The following UBAP2L variants were observed in gnomAD, a reference collection of about 807,000 sequenced individuals.
UBAP2L encodes the protein ubiquitin associated protein 2 like.
Under a neutral mutation model 130.6 loss-of-function variants are expected in UBAP2L, and 12 were observed. That is an observed-to-expected ratio of 0.09 (90% CI 0.06 to 0.15). UBAP2L has a LOEUF of 0.15. UBAP2L is among the 10% of genes least tolerant of loss of function. The pLI, the probability that UBAP2L is intolerant of heterozygous loss-of-function variation, is 1.00. For missense variants in UBAP2L, 965 were observed against 1,332.5 expected, an observed-to-expected ratio of 0.72 and a Z score of 4.29; for synonymous variants, 503 against 524.7, an observed-to-expected ratio of 0.96 and a Z score of 0.57.
chr1:154,235,361 T>A (rs1015107317), intron 6 of UBAP2L, 70 bp downstream of exon 6: 15 of 660,388 alleles, frequency 2.3e-5, no homozygotes, highest in Non-Finnish European at 4.1e-5. Flanking sequence ...CTGCTTTATT[T>A]TTTTTTTTTA....
intron 7 of UBAP2L, 127 bp downstream of exon 7, chr1:154,236,738 T>C: frequency 1.0e-6 from 1 of 985,292 alleles, no homozygotes; most frequent in Non-Finnish European, 1.6e-6. Context: ...GGCTCATTTC[T>C]TAGGGATAAA....
intron 20 of UBAP2L, 140 bp downstream of exon 20, chr1:154,257,574 GTA>G: frequency 1.2e-6 from 1 of 834,390 alleles, no homozygotes; most frequent in Non-Finnish European, 1.9e-6. Flanking sequence ...TGGAATCCAT[GTA>G]TATGAGTTTT....
At chr1:154,241,424 CA>C (rs1558158246) in intron 8 of UBAP2L, 88 bp from the exon 9 acceptor site, 29 of 1,407,242 alleles carry the variant, frequency 2.1e-5, no homozygotes, top group Admixed American at 7.5e-5. Context: ...TTTTGGCTGC[CA>C]AAAAAATTAA....
chr1:154,263,282 A>G lies in UBAP2L; in HGVS notation c.2902+1585A>G, dbSNP rs1682180630. On this transcript the variant is annotated intron_variant, in intron 24 of 26. Coordinates refer to ENST00000428931, the MANE Select transcript of UBAP2L (RefSeq NM_014847.4). ...ATGGCCTGCGTGGCTTGGGGAAATG[A>G]GTTGGTGGATACCTTCTGGGCTTTT... The G allele has an allele frequency of 6.2e-5, 93 of 1,489,838 alleles. 2 individuals are homozygous for G. In the South Asian group the frequency reaches 1.2e-3, roughly 20 times the overall value. 92.3% of individuals were successfully genotyped at this position (1,489,838 alleles called of 1,614,324 possible).
chr1:154,249,516 A>G (rs1676772309), intron 12 of UBAP2L, 79 bp downstream of exon 12: 2 of 1,574,078 alleles, frequency 1.3e-6, no homozygotes, highest in African/African-American at 1.3e-5. Context: ...GAGGGGGTGG[A>G]GAATGTGTCC....
At chr1:154,256,202 A>G (rs950841003) in intron 18 of UBAP2L, among the ~76,000 whole-genome samples, 11 of 152,200 alleles carry the variant, frequency 7.2e-5, no homozygotes, top group African/African-American at 2.4e-4. Context: ...ATTTGTAACA[A>G]CTATTAATAG....
chr1:154,239,475 G>A (rs938413858), intron 8 of UBAP2L, among the ~76,000 whole-genome samples: 14 of 151,906 alleles, frequency 9.2e-5, no homozygotes, highest in Admixed American at 5.2e-4. Flanking sequence ...TTACCTTTCT[G>A]TTCATTTAAT....
chr1:154,251,737 A>G (rs897157991), intron 14 of UBAP2L, 84 bp downstream of exon 14: 5 of 1,506,328 alleles, frequency 3.3e-6, no homozygotes, highest in Non-Finnish European at 4.5e-6. Flanking sequence ...AACTCTGGAG[A>G]GGCCAAGCCC....
chr1:154,270,091 G>A lies in UBAP2L; in HGVS notation c.3169-109G>A. 3 of 1,349,652 alleles carry A rather than the reference G, an allele frequency of 2.2e-6. 1 individual carries two copies. The highest frequency in any genetic ancestry group is 3.1e-5 in the South Asian group (2 of 65,264). 83.6% of individuals were successfully genotyped at this position (1,349,652 alleles called of 1,614,324 possible). A position where few individuals can be genotyped will look rare whatever the true frequency, so the allele number is the denominator to read the frequency against. ...TTTCTATGGTTCTAATAGTAGTGAG[G>A]GGAATGGGAGAGCAAGACAGTTTGC... On this transcript the variant is annotated intron_variant, in intron 26 of 26. Coordinates refer to ENST00000428931, the MANE Select transcript of UBAP2L (RefSeq NM_014847.4).
At chr1:154,264,216 G>A (rs1682517790) in intron 24 of UBAP2L, among the ~76,000 whole-genome samples, 1 of 152,172 alleles carries the variant, frequency 6.6e-6, no homozygotes, top group South Asian at 2.1e-4. Flanking sequence ...AGAAACCAAA[G>A]TATTCAGCTT....
At chr1:154,249,927 G>A (rs1209303291) in intron 12 of UBAP2L, among the ~76,000 whole-genome samples, 2 of 151,574 alleles carry the variant, frequency 1.3e-5, no homozygotes, top group Non-Finnish European at 2.9e-5. Flanking sequence ...CTGTTGATTG[G>A]GGTTTTAATT....
At chr1:154,225,256 G>T in intron 2 of UBAP2L, 43 bp downstream of exon 2, 1 of 1,592,170 alleles carries the variant, frequency 6.3e-7, no homozygotes, top group Non-Finnish European at 8.6e-7. Flanking sequence ...AGCGTTGCCT[G>T]CTGATACTGG....
chr1:154,252,951 T>C (rs1001584032), intron 14 of UBAP2L, among the ~76,000 whole-genome samples: 1 of 152,210 alleles, frequency 6.6e-6, no homozygotes, highest in Non-Finnish European at 1.5e-5. Context: ...TTAGGGTCCA[T>C]GTTATAATGT....
At chr1:154,225,235 G>A in intron 2 of UBAP2L, 22 bp downstream of exon 2, 1 of 1,612,144 alleles carries the variant, frequency 6.2e-7, no homozygotes, top group Non-Finnish European at 8.5e-7. Context: ...AAGGCATACG[G>A]ATTCATGGAT....
chr1:154,263,008 G>A (rs541841085), intron 24 of UBAP2L: 34 of 1,207,676 alleles, frequency 2.8e-5, no homozygotes, highest in South Asian at 2.5e-4. Context: ...ATTCAGAAAC[G>A]TATTATATCA....
chr1:154,228,906 A>G (rs1427281771), intron 4 of UBAP2L, among the ~76,000 whole-genome samples, 181 bp downstream of exon 4: 1 of 152,194 alleles, frequency 6.6e-6, no homozygotes, highest in African/African-American at 2.4e-5. Flanking sequence ...TGTGTACTAC[A>G]TCCTTTTTAT....
chr1:154,220,687 G>A (rs1435007930), upstream of UBAP2L: 13 of 487,338 alleles, frequency 2.7e-5, no homozygotes, highest in Non-Finnish European at 4.5e-5. Flanking sequence ...ACAGTAAGAG[G>A]AAGCGGCGGC....
Position 154,237,004 on chromosome 1 carries a change from T to C in UBAP2L, c.591-20T>C, listed in dbSNP as rs964745730. 5 of 1,602,314 alleles carry C rather than the reference T, an allele frequency of 3.1e-6. No individual in the cohort carries two copies. In the African/African-American group the frequency reaches 6.7e-5, roughly 21 times the overall value. On this transcript the variant is annotated intron_variant, in intron 7 of 26. Coordinates refer to ENST00000428931, the MANE Select transcript of UBAP2L (RefSeq NM_014847.4). The stretch of plus-strand genomic sequence containing the variant: ...AAAGCTGCTTAGAGGTCAGAGACTC[T>C]TAAGTTTTATTTTTTCCAGAACCTT...
Position 154,253,934 on chromosome 1 carries a change from C to G in UBAP2L, c.1699C>G (p.Gln567Glu). 6.2e-7 allele frequency: 1 copy of G among 1,614,112 alleles called. No homozygotes were observed. The highest frequency in any genetic ancestry group is 8.5e-7 in the Non-Finnish European group (1 of 1,180,018). ...CTCTACAATTTCATCTAACCAGAGTCAGGAGTCTGGTTATCAGAGCGGCCC... is the reference window on the plus strand; with the variant it reads ...CTCTACAATTTCATCTAACCAGAGTGAGGAGTCTGGTTATCAGAGCGGCCC... Reference protein sequence around the residue: ...SSSTISSNQSQESGYQSGPIQ... With the variant: ...SSSTISSNQSEESGYQSGPIQ... Residue 567 changes from glutamine (Q) to glutamate (E), a missense_variant, in exon 15 of 27, where the codon CAG (glutamine) becomes GAG (glutamate). Physicochemically the swap from Gln to Glu is conservative, Grantham distance 29. Coordinates refer to ENST00000428931, the MANE Select transcript of UBAP2L (RefSeq NM_014847.4).
Sources: gnomAD v4.1 joint callset for allele counts (sites outside exome capture counted in the v4.1 genomes callset) on GRCh38, gnomAD v4.1.1 for gene constraint, MANE v1.5 for transcripts, NCBI Gene and HGNC (gene_info 2026-07-23, HGNC 2026-07-21) for gene names.